Variants in FREM2 observed in about 807,000 individuals in gnomAD.
FREM2 encodes the protein FRAS1 related extracellular matrix 2, also known as FRAS1-related extracellular matrix protein 2.
Under a neutral mutation model 219.9 loss-of-function variants are expected in FREM2, and 119 were observed. The observed-to-expected ratio is 0.54, with a 90% CI of 0.47 to 0.63. The LOEUF is 0.63. Among genes scored for constraint, FREM2 ranks in the 30% least tolerant of loss-of-function variants. FREM2 has a pLI of 0.00. For missense variants in FREM2, 4,030 were observed against 3,993.6 expected (o/e 1.01, Z -0.25); for synonymous variants, 1,562 against 1,522.8 (o/e 1.03, Z -0.60).
intron 11 of FREM2, 34 bp from the exon 12 acceptor site, chr13:38,856,092 C>T: frequency 1.4e-6 from 2 of 1,414,472 alleles, no homozygotes; most frequent in Non-Finnish European, 2.0e-6. Context: ...TATTCATATG[C>T]AAATGATTTA....
intron 6 of FREM2, among the ~76,000 whole-genome samples, chr13:38,809,392 T>C (rs1593420722): frequency 6.6e-6 from 1 of 151,840 alleles, no homozygotes; most frequent in African/African-American, 2.4e-5. Context: ...GTGCAAGAGA[T>C]TTTTTGCCCT....
rs775213690 is a variant in FREM2, at chr13:38,878,846, G to A, written c.8875G>A (p.Glu2959Lys). ...RFKIVDKAQP[E>K]TQATSFGNVL... The stretch of plus-strand genomic sequence containing the variant: ...CTGCTTAAAGGACAAAGCTCAGCCA[G>A]AGACACAAGCGACCAGTTTTGGAAA... The change falls in exon 23 of 24, where the codon GAG (glutamate) becomes AAG (lysine). Residue 2959 changes from glutamate to lysine, a missense_variant. Around this residue, in one of 2 missense-constraint regions of FREM2, gnomAD observed 928 missense variants for 1,042.9 expected, o/e 0.89. Coordinates refer to ENST00000280481, the MANE Select transcript of FREM2 (RefSeq NM_207361.6). The A allele has an allele frequency of 6.2e-7, 1 of 1,614,192 alleles. No homozygotes were observed. Among genetic ancestry groups the A allele is most frequent in the South Asian group, 1.1e-5 (1 of 91,088 alleles).
At chr13:38,712,982 C>T (rs1870842039) in intron 2 of FREM2, among the ~76,000 whole-genome samples, 1 of 152,164 alleles carries the variant, frequency 6.6e-6, no homozygotes, top group African/African-American at 2.4e-5. Context: ...ATCTAAACAT[C>T]TTTTAATTCT....
At chr13:38,764,667 G>GT (rs759495412) in intron 3 of FREM2, among the ~76,000 whole-genome samples, 1 of 151,990 alleles carries the variant, frequency 6.6e-6, no homozygotes, top group Non-Finnish European at 1.5e-5. Context: ...TATAAAAATT[G>GT]GCAGGAACAC....
intron 6 of FREM2, among the ~76,000 whole-genome samples, chr13:38,837,847 G>C (rs371811182): frequency 6.7e-6 from 1 of 149,940 alleles, no homozygotes. Flanking sequence ...TTGAGCCTAC[G>C]TGTGTCTCTG....
At chr13:38,870,869 ATT>A (rs779891408) in intron 16 of FREM2, among the ~76,000 whole-genome samples, 7 of 152,232 alleles carry the variant, frequency 4.6e-5, no homozygotes, top group Admixed American at 2.6e-4. Flanking sequence ...AGAATATAAC[ATT>A]GGAAAAAATT....
chr13:38,687,390 A>G lies in FREM2; in HGVS notation c.46A>G (p.Asn16Asp). ...CGGGTTATCCTCGCGCCGGACAGGC[A>G]ACTCCACCAGCTTTCAACCAGGACC... is the stretch of plus-strand genomic sequence containing the variant. ...TPGLSSRRTG[N>D]STSFQPGPPP... The change falls in exon 1 of 24, where the codon AAC becomes GAC. Residue 16 changes from asparagine to aspartate, a missense_variant. Transcript: ENST00000280481. 2 of 1,609,096 alleles carry G rather than the reference A, an allele frequency of 1.2e-6. No homozygotes were observed. The highest frequency in any genetic ancestry group is 2.7e-5 in the African/African-American group (2 of 74,942).
chr13:38,774,830 C>T lies in FREM2; in HGVS notation c.5641+5022C>T, dbSNP rs115111838. On this transcript the variant is annotated intron_variant, in intron 4 of 23. Transcript: ENST00000280481. Reference sequence around the variant, plus strand: ...GGTATTTGAATACAGATACTTAGTACAGGTACCTAAAGCCTGTAATAGTTT... The same window carrying T: ...GGTATTTGAATACAGATACTTAGTATAGGTACCTAAAGCCTGTAATAGTTT... Among the ~76,000 whole-genome samples the T allele has an allele frequency of 4.5e-3, 678 of 152,164 alleles. 10 individuals are homozygous for T. Among genetic ancestry groups the T allele is most frequent in the African/African-American group, 0.016 (650 of 41,518 alleles).
rs145206276 is a variant in FREM2, at chr13:38,775,862, G to A, written c.5641+6054G>A. Reference sequence around the variant, plus strand: ...TCGAACTCCTGACCTCAAGTGATCCGCCTGCCTTGGCCTCCCAAAGTGCTG... The same window carrying A: ...TCGAACTCCTGACCTCAAGTGATCCACCTGCCTTGGCCTCCCAAAGTGCTG... On this transcript the variant is annotated intron_variant, in intron 4 of 23. Transcript: ENST00000280481. Among the ~76,000 whole-genome samples, 343 of 152,148 alleles carry A rather than the reference G, an allele frequency of 2.3e-3. 2 individuals are homozygous for A. Among genetic ancestry groups the A allele is most frequent in the African/African-American group, 7.9e-3 (326 of 41,520 alleles).
At chr13:38,722,834 A>G (rs1295522769) in intron 2 of FREM2, among the ~76,000 whole-genome samples, 1 of 151,398 alleles carries the variant, frequency 6.6e-6, no homozygotes, top group Non-Finnish European at 1.5e-5. Flanking sequence ...ATAAGATTTC[A>G]AGTACTTTAT....
At chr13:38,866,338 A>C (rs1288215051) in intron 16 of FREM2, among the ~76,000 whole-genome samples, 7 of 152,052 alleles carry the variant, frequency 4.6e-5, no homozygotes, top group Admixed American at 6.6e-5. Context: ...CTACTAAAAA[A>C]AAATACAAAA....
chr13:38,878,730 A>G (rs1373571613), intron 22 of FREM2, 101 bp from the exon 23 acceptor site: 2 of 1,179,818 alleles, frequency 1.7e-6, no homozygotes, highest in Non-Finnish European at 2.5e-6. Flanking sequence ...GTGACATTTT[A>G]TAGTAATTTG....
intron 2 of FREM2, among the ~76,000 whole-genome samples, chr13:38,717,412 C>CTTTTTTTTTTTTTT (rs386378868): frequency 2.2e-5 from 2 of 90,146 alleles, no homozygotes; most frequent in Non-Finnish European, 4.1e-5. Flanking sequence ...TACATAAGTA[C>CTTTTTTTTTTTTTT]TTTTTTTTTT....
intron 2 of FREM2, among the ~76,000 whole-genome samples, chr13:38,717,167 T>G (rs1871038033): frequency 6.6e-6 from 1 of 152,296 alleles, no homozygotes; most frequent in South Asian, 2.1e-4. Flanking sequence ...CTGATTTATT[T>G]TGTTTTAAAA....
chr13:38,725,607 A>G (rs998453799), intron 2 of FREM2, among the ~76,000 whole-genome samples: 1 of 152,206 alleles, frequency 6.6e-6, no homozygotes, highest in African/African-American at 2.4e-5. Flanking sequence ...AGAAAAACCC[A>G]GTGCAGCTGA....
chr13:38,716,211 C>CT (rs1870993488), intron 2 of FREM2, among the ~76,000 whole-genome samples: 3 of 152,130 alleles, frequency 2.0e-5, no homozygotes, highest in Non-Finnish European at 4.4e-5. Context: ...ATGACAAAGA[C>CT]CTTTACAGAG....
rs901396989 is a variant in FREM2 at position 38,688,121 on chromosome 13, C to A, written c.777C>A (p.Phe259Leu). ...CTCTCCTGATGGACTGCAAAGCTTT[C>A]CAGGAACTAGGCGTGCGCTATCGCC... ...PETLLMDCKA[F>L]QELGVRYRHT... is the part of the protein sequence containing the mutation. The change falls in exon 1 of 24, where the codon TTC becomes TTA. Residue 259 changes from phenylalanine (F) to leucine (L), a missense_variant. Coordinates refer to ENST00000280481, the MANE Select transcript of FREM2 (RefSeq NM_207361.6). 8 of 1,613,354 alleles carry A rather than the reference C, an allele frequency of 5.0e-6. No homozygotes were observed. The highest frequency in any genetic ancestry group is 2.2e-5 in the East Asian group (1 of 44,854).
intron 2 of FREM2, among the ~76,000 whole-genome samples, chr13:38,738,925 A>G (rs1241922747): frequency 1.3e-5 from 2 of 152,230 alleles, no homozygotes; most frequent in Non-Finnish European, 2.9e-5. Context: ...TTTAACTTTG[A>G]TTCTAGAAAT....
chr13:38,792,184 T>C (rs1229494315), intron 6 of FREM2, among the ~76,000 whole-genome samples: 4 of 152,024 alleles, frequency 2.6e-5, no homozygotes. Context: ...GCATCTCTAC[T>C]AAAAATACAA....
Sources: allele counts gnomAD v4.1 joint callset (sites outside exome capture counted in the v4.1 genomes callset), GRCh38; gene constraint gnomAD v4.1.1; regional missense constraint gnomAD v4.1.1; transcripts MANE v1.5; gene names NCBI Gene and HGNC (gene_info 2026-07-23, HGNC 2026-07-21).